Variants in CACNA1B observed in about 807,000 individuals in gnomAD.
The protein encoded by CACNA1B is voltage-dependent N-type calcium channel subunit alpha-1B.
A neutral mutation model predicts 247.2 loss-of-function variants in CACNA1B; 70 were observed. The ratio of observed to expected loss-of-function variants is 0.28; its 90% CI spans 0.23 to 0.35. The LOEUF is 0.35. CACNA1B is among the 10% of genes least tolerant of loss of function. The probability of loss-of-function intolerance (pLI) is 1.00; values close to 1 mark genes in which losing one functional copy is unlikely to be tolerated. For synonymous variants in CACNA1B, 1,231 were observed against 1,294.4 expected (o/e 0.95, Z 1.05); for missense variants, 2,367 against 3,197.4 (o/e 0.74, Z 6.26).
chr9:138,093,613 C>T (rs1003309281), intron 36 of CACNA1B, among the ~76,000 whole-genome samples: 10 of 151,426 alleles, frequency 6.6e-5, no homozygotes, highest in African/African-American at 2.2e-4. Flanking sequence ...TGGTCTCATA[C>T]ACTTGTAATC....
At chr9:138,103,983 T>A (rs1349021942) in intron 38 of CACNA1B, among the ~76,000 whole-genome samples, 1 of 152,178 alleles carries the variant, frequency 6.6e-6, no homozygotes, top group East Asian at 1.9e-4. Context: ...TGTAGCTTTG[T>A]CCCCAAGAAG....
chr9:138,046,488 C>T (rs1011513168), intron 21 of CACNA1B, among the ~76,000 whole-genome samples: 2 of 152,212 alleles, frequency 1.3e-5, no homozygotes, highest in African/African-American at 2.4e-5. Flanking sequence ...TCCCTGCTGC[C>T]CACAGCTGAC....
At chr9:138,086,957 A>G (rs1960712253) in intron 36 of CACNA1B, among the ~76,000 whole-genome samples, 1 of 150,624 alleles carries the variant, frequency 6.6e-6, no homozygotes, top group African/African-American at 2.5e-5. Context: ...TTGAAATTGT[A>G]TCAAGTATTT....
intron 10 of CACNA1B, among the ~76,000 whole-genome samples, chr9:137,962,884 A>G (rs558791508): frequency 6.6e-6 from 1 of 152,318 alleles, no homozygotes; most frequent in Non-Finnish European, 1.5e-5. Flanking sequence ...AGTTCTGTAT[A>G]TATCTATCAG....
chr9:137,907,779 C>A (rs971754521), intron 3 of CACNA1B, among the ~76,000 whole-genome samples: 2 of 152,324 alleles, frequency 1.3e-5, no homozygotes, highest in South Asian at 4.1e-4. Context: ...TTCCTTACCT[C>A]ACCATCACTG....
Position 138,023,337 on chromosome 9 carries a change from A to T in CACNA1B, c.2594A>T (p.Asp865Val). Residue 865 changes from aspartate (D) to valine (V), a missense_variant, in exon 19 of 47, where the codon GAC (aspartate) becomes GTC (valine). Around this residue, in one of 12 missense-constraint regions of CACNA1B, gnomAD observed 631 missense variants for 631.1 expected, o/e 1.00. Transcript: ENST00000371372. ...AAGGACAAGACCCCCGCGGCGGGGG[A>T]CCAGGACCGAGCAGAGGCCCCGAAG... ...RDKDKTPAAG[D>V]QDRAEAPKAE... The T allele has an allele frequency of 6.7e-7, 1 of 1,484,564 alleles. No individual in the cohort carries two copies. The highest frequency in any genetic ancestry group is 8.9e-7 in the Non-Finnish European group (1 of 1,126,176). The allele number at this position is 1,484,564 out of a possible 1,614,324, so 92.0% of individuals were successfully genotyped here. A position where few individuals can be genotyped will look rare whatever the true frequency, so the allele number is the denominator to read the frequency against.
Position 138,073,485 on chromosome 9 carries a change from C to T in CACNA1B, c.4675-3C>T, listed in dbSNP as rs1020498324. 3 of 1,595,058 alleles carry T rather than the reference C, an allele frequency of 1.9e-6. No homozygotes were observed. Among genetic ancestry groups the T allele is most frequent in the African/African-American group, 2.7e-5 (2 of 74,538 alleles). ...GTCAGAGAACAATTCCTCTTCTCTG[C>T]AGAACAATTTCATCAACCTCAGCTT... On this transcript the variant is annotated splice_polypyrimidine_tract_variant and splice_region_variant and intron_variant, in intron 32 of 46. Transcript: ENST00000371372. This position sits in a 1 kb window ranked among gnomAD's most constrained non-coding sequence, Gnocchi z 6.4.
At chr9:137,893,354 T>TAAAA (rs34168944) in intron 3 of CACNA1B, among the ~76,000 whole-genome samples, 1 of 139,794 alleles carries the variant, frequency 7.2e-6, no homozygotes. Context: ...CTCCCCCCTT[T>TAAAA]AAAAAAAAAA....
Position 137,956,773 on chromosome 9 carries a change from G to A in CACNA1B, c.1189G>A (p.Glu397Lys), listed in dbSNP as rs767792419. 6.2e-7 allele frequency: 1 copy of A among 1,613,786 alleles called. No individual in the cohort carries two copies. Among genetic ancestry groups the A allele is most frequent in the Non-Finnish European group, 8.5e-7 (1 of 1,179,756 alleles). The change falls in exon 9 of 47, where the codon GAA becomes AAA. Residue 397 changes from glutamate (E) to lysine (K), a missense_variant and splice_region_variant. Glu to Lys is a moderately conservative substitution (Grantham distance 56). This residue lies in a region of CACNA1B where 219 missense variants were observed against 297.6 expected (regional missense o/e 0.74). Transcript: ENST00000371372. ...GYLEWIFKAEEVMLAEEDRNA... is the reference protein window; with the variant it reads ...GYLEWIFKAEKVMLAEEDRNA... ...CTGAGGCTGTGTTCCCCTCGCAGAG[G>A]AAGTCATGCTGGCCGAGGAGGACAG...
chr9:137,959,512 T>C (rs1436543183), intron 10 of CACNA1B, among the ~76,000 whole-genome samples: 2 of 152,118 alleles, frequency 1.3e-5, no homozygotes, highest in Admixed American at 6.5e-5. Context: ...TGGTTTGGAA[T>C]CCTTTAAATA....
At chr9:137,937,692 T>G (rs1957683959) in intron 6 of CACNA1B, among the ~76,000 whole-genome samples, 1 of 152,044 alleles carries the variant, frequency 6.6e-6, no homozygotes, top group African/African-American at 2.4e-5. Context: ...ACACCTGTAA[T>G]CCCAGCACTT....
In CACNA1B at chr9:137,952,338, C is replaced by A; in HGVS notation, c.1031C>A (p.Ser344Tyr). The A allele has an allele frequency of 6.2e-7, 1 of 1,613,714 alleles. No individual in the cohort carries two copies. The highest frequency in any genetic ancestry group is 8.5e-7 in the Non-Finnish European group (1 of 1,179,764). The change falls in exon 7 of 47, where the codon TCC becomes TAC. Residue 344 changes from serine to tyrosine, a missense_variant. Physicochemically the swap from Ser to Tyr is moderately radical, Grantham distance 144. Coordinates refer to ENST00000371372, the MANE Select transcript of CACNA1B (RefSeq NM_000718.4). The surrounding 1 kb of genome is among the most constrained non-coding windows in gnomAD (Gnocchi z 4.8). ...TTCATCCCTCTCATCATCATCGGCT[C>A]CTTCTTCATGCTCAACCTGGTGCTG... ...LYFIPLIIIGSFFMLNLVLGV... is the reference protein window; with the variant it reads ...LYFIPLIIIGYFFMLNLVLGV...
rs567435052 is a variant in CACNA1B, at chr9:138,105,486, G to A, written c.5320-213G>A. On this transcript the variant is annotated intron_variant, in intron 38 of 46. Coordinates refer to ENST00000371372, the MANE Select transcript of CACNA1B (RefSeq NM_000718.4). ...GAGTTCTACTTTTCTGCAGCCAGGA[G>A]GGTCCTCAGCTAGATTTGTGGGGCG... Among the ~76,000 whole-genome samples, 4 of 152,342 alleles carry A rather than the reference G, an allele frequency of 2.6e-5. No individual in the cohort carries two copies. The South Asian group carries it at 8.3e-4, about 32-fold the overall frequency.
chr9:138,090,453 A>G (rs564476744), intron 36 of CACNA1B, among the ~76,000 whole-genome samples: 1 of 152,246 alleles, frequency 6.6e-6, no homozygotes, highest in Admixed American at 6.5e-5. Flanking sequence ...TGAATCTACT[A>G]GAATAAAATA....
Position 137,919,957 on chromosome 9 carries a change from T to C in CACNA1B, c.966+2526T>C, listed in dbSNP as rs1957459361. On this transcript the variant is annotated intron_variant, in intron 6 of 46. Coordinates refer to ENST00000371372, the MANE Select transcript of CACNA1B (RefSeq NM_000718.4). The surrounding 1 kb of genome is among the most constrained non-coding windows in gnomAD (Gnocchi z 4.6). ...ACGGATGAGCCTGGGGAGAGACGAG[T>C]CGGCAGTAAATTCCTGTTAGGTCCA... Among the ~76,000 whole-genome samples the C allele has an allele frequency of 6.6e-6, 1 of 151,912 alleles. No individual in the cohort carries two copies. The highest frequency in any genetic ancestry group is 6.6e-5 in the Admixed American group (1 of 15,260).
In CACNA1B at chr9:137,952,420, C is replaced by T. The variant is rs1433196272; in HGVS notation, c.1070+43C>T. On this transcript the variant is annotated intron_variant, in intron 7 of 46. Coordinates refer to ENST00000371372, the MANE Select transcript of CACNA1B (RefSeq NM_000718.4). The surrounding 1 kb of genome is among the most constrained non-coding windows in gnomAD (Gnocchi z 4.8). ...GGATGTGCAGGTGCCCCTCTGTGTTCTCAGCTGAGGGGTCAACAGGGGCAC... is the reference window on the plus strand; with the variant it reads ...GGATGTGCAGGTGCCCCTCTGTGTTTTCAGCTGAGGGGTCAACAGGGGCAC... The T allele has an allele frequency of 2.0e-6, 3 of 1,515,580 alleles. No individual in the cohort carries two copies. The highest frequency in any genetic ancestry group is 2.7e-5 in the African/African-American group (2 of 72,820). 93.9% of individuals were successfully genotyped at this position (1,515,580 alleles called of 1,614,324 possible). A position where few individuals can be genotyped will look rare whatever the true frequency, so the allele number is the denominator to read the frequency against.
At chr9:138,109,681 G>C (rs76651401) in intron 39 of CACNA1B, among the ~76,000 whole-genome samples, 2,454 of 152,220 alleles carry the variant, frequency 0.016, 71 homozygotes, top group African/African-American at 0.055. Context: ...GTTGGGGACA[G>C]CTTGATCCAT....
intron 39 of CACNA1B, among the ~76,000 whole-genome samples, chr9:138,108,071 T>C (rs1017919210): frequency 2.0e-5 from 3 of 148,650 alleles, no homozygotes; most frequent in Non-Finnish European, 4.5e-5. Flanking sequence ...GTGCCCTGGC[T>C]TATGCCTGTA....
chr9:137,979,175 C>CT (rs2133375167), intron 12 of CACNA1B, among the ~76,000 whole-genome samples: 1 of 152,324 alleles, frequency 6.6e-6, no homozygotes, highest in Admixed American at 6.5e-5. Context: ...AAATCTGTCT[C>CT]ACATTTCTAT....
Sources: gnomAD v4.1 joint callset for allele counts (sites outside exome capture counted in the v4.1 genomes callset) on GRCh38, gnomAD v4.1.1 for gene constraint, gnomAD v4.1.1 regional missense constraint, Gnocchi (gnomAD v3.1) non-coding constraint, MANE v1.5 for transcripts, NCBI Gene and HGNC (gene_info 2026-07-23, HGNC 2026-07-21) for gene names.